Variants in REV3L observed in about 807,000 individuals in gnomAD.
The protein encoded by REV3L is REV3 like, DNA directed polymerase zeta catalytic subunit.
A neutral mutation model predicts 299.4 loss-of-function variants in REV3L; 69 were observed. The observed-to-expected ratio is 0.23, with a 90% CI of 0.19 to 0.28. The LOEUF (loss-of-function observed/expected upper bound fraction) is 0.28. REV3L is among the 10% of genes least tolerant of loss of function. REV3L has a pLI of 1.00. For missense variants in REV3L, 3,128 were observed against 3,693.8 expected, an observed-to-expected ratio of 0.85 and a Z score of 3.97; for synonymous variants, 1,238 against 1,271.4, an observed-to-expected ratio of 0.97 and a Z score of 0.56.
chr6:111,416,881 T>C (rs966193333), intron 1 of REV3L, among the ~76,000 whole-genome samples: 4 of 152,192 alleles, frequency 2.6e-5, no homozygotes, highest in Admixed American at 2.6e-4. Flanking sequence ...GCATTAATGT[T>C]TTCAAACAAG....
intron 18 of REV3L, among the ~76,000 whole-genome samples, chr6:111,355,243 C>T: frequency 6.6e-6 from 1 of 152,056 alleles, no homozygotes; most frequent in Non-Finnish European, 1.5e-5. Flanking sequence ...CCTAGCACTG[C>T]CCCTTACACA....
rs370930963 is a variant in REV3L, at chr6:111,387,982, A to G, written c.947+19T>C. 3.2e-5 allele frequency: 51 copies of G among 1,607,418 alleles called. No individual in the cohort carries two copies. Among genetic ancestry groups the G allele is most frequent in the Non-Finnish European group, 4.2e-5 (49 of 1,174,596 alleles). ...AGGAATAAAATTAGTTCTGAGATCTATAATAAATAACCACTTACACAGAGA... is the reference window on the plus strand; with the variant it reads ...AGGAATAAAATTAGTTCTGAGATCTGTAATAAATAACCACTTACACAGAGA... On this transcript the variant is annotated intron_variant, in intron 8 of 31. Coordinates refer to ENST00000368802, the MANE Select transcript of REV3L (RefSeq NM_001372078.1).
intron 25 of REV3L, 135 bp downstream of exon 25, chr6:111,329,393 CCAGG>C (rs1775162108): frequency 1.5e-6 from 1 of 663,598 alleles, no homozygotes; most frequent in African/African-American, 1.8e-5. Flanking sequence ...ACTATGTTGT[CCAGG>C]CAGGATTCAA....
chr6:111,420,742 A>AATCC (rs757126647), intron 1 of REV3L, among the ~76,000 whole-genome samples: 1 of 152,382 alleles, frequency 6.6e-6, no homozygotes, highest in Non-Finnish European at 1.5e-5. Flanking sequence ...GGAGCTGGCT[A>AATCC]CTTCCCATTG....
chr6:111,335,991 A>AT (rs1271588748), intron 21 of REV3L, among the ~76,000 whole-genome samples: 1 of 151,690 alleles, frequency 6.6e-6, no homozygotes, highest in African/African-American at 2.4e-5. Context: ...ATATCTATAG[A>AT]TTTTTAAAGA....
chr6:111,360,468 A>ATTTT lies in REV3L; in HGVS notation c.6880-1455_6880-1454insAAAA, dbSNP rs1362929978. Among the ~76,000 whole-genome samples, 10 of 133,450 alleles carry ATTTT rather than the reference A, an allele frequency of 7.5e-5. 1 individual carries two copies. The highest frequency in any genetic ancestry group is 2.1e-4 in the East Asian group (1 of 4,788). 87.5% of individuals were successfully genotyped at this position (133,450 alleles called of 152,430 possible). A position where few individuals can be genotyped will look rare whatever the true frequency, so the allele number is the denominator to read the frequency against. On this transcript the variant is annotated intron_variant, in intron 16 of 31. Transcript: ENST00000368802. ...GTGCTCATTGTAAATTTGTTAAATA[A>ATTTT]TCTTTTTTTTTTTTTTTTTTTTTTA...
chr6:111,422,607 TATATACAC>T (rs1457419804), intron 1 of REV3L, among the ~76,000 whole-genome samples: 8 of 17,876 alleles, frequency 4.5e-4, no homozygotes, highest in Non-Finnish European at 8.8e-4. Flanking sequence ...CATATATATA[TATATACAC>T]ATATATATAT....
chr6:111,306,787 T>A (rs1772361543), intron 31 of REV3L, among the ~76,000 whole-genome samples: 1 of 152,252 alleles, frequency 6.6e-6, no homozygotes, highest in Admixed American at 6.5e-5. Context: ...ACTAGGTATT[T>A]TTCTTTAAAG....
chr6:111,406,890 C>A (rs962395136), intron 3 of REV3L, among the ~76,000 whole-genome samples: 14 of 152,162 alleles, frequency 9.2e-5, no homozygotes, highest in Admixed American at 5.2e-4. Flanking sequence ...ATATTGGATA[C>A]TGTGCTAACG....
At chr6:111,420,054 T>G (rs1448807292) in intron 1 of REV3L, among the ~76,000 whole-genome samples, 1 of 152,048 alleles carries the variant, frequency 6.6e-6, no homozygotes, top group Admixed American at 6.5e-5. Context: ...ACCGTGTTAA[T>G]CAGGATGGTC....
intron 1 of REV3L, among the ~76,000 whole-genome samples, chr6:111,443,632 T>C (rs1256970299): frequency 6.6e-6 from 1 of 152,212 alleles, no homozygotes; most frequent in Non-Finnish European, 1.5e-5. Flanking sequence ...CTGGAATTTC[T>C]ACTGAATGCC....
In REV3L at chr6:111,373,628, G is replaced by A. The variant is rs3218582; in HGVS notation, c.4727C>T (p.Ser1576Leu). The change falls in exon 13 of 32, where the codon TCG becomes TTG. Residue 1576 changes from serine to leucine, a missense_variant. Ser to Leu is a moderately radical substitution (Grantham distance 145). This residue lies in a region of REV3L where 2,409 missense variants were observed against 2,611.8 expected (regional missense o/e 0.92). Coordinates refer to ENST00000368802, the MANE Select transcript of REV3L (RefSeq NM_001372078.1). ...TCGAGGTTTTCTTGGGGACGTTACCGATCGTGTCCGTTTATTTGCTTTGTT... is the reference window on the plus strand; with the variant it reads ...TCGAGGTTTTCTTGGGGACGTTACCAATCGTGTCCGTTTATTTGCTTTGTT... ...EHNKANKRTRSVTSPRKPRTP... is the reference protein window; with the variant it reads ...EHNKANKRTRLVTSPRKPRTP... 49 of 1,613,934 alleles carry A rather than the reference G, an allele frequency of 3.0e-5. No homozygotes were observed. Among genetic ancestry groups the A allele is most frequent in the Non-Finnish European group, 3.4e-5 (40 of 1,179,994 alleles).
At chr6:111,351,924 A>T (rs1777608022) in intron 18 of REV3L, 133 bp from the exon 19 acceptor site, 1 of 565,184 alleles carries the variant, frequency 1.8e-6, no homozygotes, top group African/African-American at 1.9e-5. Flanking sequence ...TGGAGAAGGG[A>T]TGATACAGTG....
chr6:111,385,603 T>C (rs1418485533), intron 9 of REV3L, among the ~76,000 whole-genome samples: 2 of 151,850 alleles, frequency 1.3e-5, no homozygotes. Flanking sequence ...ACTGAAGACA[T>C]GTAAAACCCC....
At position 111,442,057 on chromosome 6, in the gene REV3L, G is replaced by T. The variant is rs546931400; in HGVS notation, c.140-25585C>A. 1.4e-3 allele frequency among the ~76,000 whole-genome samples: 210 copies of T among 152,328 alleles called. 1 individual carries two copies. Among genetic ancestry groups the T allele is most frequent in the African/African-American group, 4.7e-3 (197 of 41,574 alleles). On this transcript the variant is annotated intron_variant, in intron 1 of 31. Coordinates refer to ENST00000368802, the MANE Select transcript of REV3L (RefSeq NM_001372078.1). Reference sequence around the variant, plus strand: ...TTAGATACTTCCCTTTCCCTGAGTTGGTTACGGCGCTGGTGGTTTCCCTTG... The same window carrying T: ...TTAGATACTTCCCTTTCCCTGAGTTTGTTACGGCGCTGGTGGTTTCCCTTG...
chr6:111,437,399 T>C (rs1418979469), intron 1 of REV3L, among the ~76,000 whole-genome samples: 1 of 152,040 alleles, frequency 6.6e-6, no homozygotes, highest in Non-Finnish European at 1.5e-5. Context: ...TAGAATATTA[T>C]TCAGCCATAA....
rs1793926909 is a variant in REV3L, at chr6:111,482,813, G to A, written c.76C>T (p.Pro26Ser). Residue 26 changes from proline (P) to serine (S), a missense_variant, in exon 1 of 32, where the codon CCC becomes TCC. Transcript: ENST00000368802. ...PLQGLDTCQS[P>S]LTQAPVKKVP... ...TTCTTGACAGGGGCCTGGGTGAGGG[G>A]GGATTGGCAGGTATCCAGCCCCTGC... 2.0e-6 allele frequency: 3 copies of A among 1,508,554 alleles called. No individual in the cohort carries two copies. Among genetic ancestry groups the A allele is most frequent in the South Asian group, 1.3e-5 (1 of 76,624 alleles). 93.4% of individuals were successfully genotyped at this position (1,508,554 alleles called of 1,614,324 possible). A position where few individuals can be genotyped will look rare whatever the true frequency, so the allele number is the denominator to read the frequency against.
rs773380433 is a variant in REV3L, at chr6:111,351,796, A to T, written c.7185-5T>A. 2.7e-5 allele frequency: 43 copies of T among 1,588,310 alleles called. No homozygotes were observed. The highest frequency in any genetic ancestry group is 3.7e-5 in the Non-Finnish European group (43 of 1,159,212). ...AGCAGAATATCAGGATCATACCTAA[A>T]AAAGGAATTTAAAAAAGTTATATAA... On this transcript the variant is annotated splice_polypyrimidine_tract_variant and splice_region_variant and intron_variant, in intron 18 of 31. Transcript: ENST00000368802.
chr6:111,483,080 C>T lies in REV3L; in HGVS notation c.-192G>A. 6.3e-6 allele frequency: 4 copies of T among 630,178 alleles called. No homozygotes were observed. The highest frequency in any genetic ancestry group is 9.7e-6 in the Non-Finnish European group (4 of 410,418). 39.0% of individuals were successfully genotyped at this position (630,178 alleles called of 1,614,324 possible). Reference sequence around the variant, plus strand: ...GCTGCTGCCGCCGCCTCCTCAGGAGCACCCGGCAAGGGGCCGCAGGAGAGA... The same window carrying T: ...GCTGCTGCCGCCGCCTCCTCAGGAGTACCCGGCAAGGGGCCGCAGGAGAGA... On this transcript the variant is annotated 5_prime_UTR_variant, in exon 1 of 32. Transcript: ENST00000368802.
Sources: gnomAD v4.1 joint callset for allele counts (sites outside exome capture counted in the v4.1 genomes callset) on GRCh38, gnomAD v4.1.1 for gene constraint, gnomAD v4.1.1 regional missense constraint, MANE v1.5 for transcripts, NCBI Gene and HGNC (gene_info 2026-07-23, HGNC 2026-07-21) for gene names.